Variants in TMCC1 observed in about 807,000 individuals in gnomAD.
TMCC1 encodes the protein transmembrane and coiled-coil domain family 1, also known as transmembrane and coiled-coil domains protein 1.
Under a neutral mutation model 52.4 loss-of-function variants are expected in TMCC1, and 15 were observed. The ratio of observed to expected loss-of-function variants is 0.29; its 90% CI spans 0.19 to 0.44. The LOEUF (loss-of-function observed/expected upper bound fraction) is 0.44, where lower values mean the gene tolerates loss of function less well. Ranked by LOEUF, TMCC1 falls within the 20% of genes least tolerant of loss-of-function variation. The pLI is 1.00. For missense variants in TMCC1, 503 were observed against 806.0 expected (o/e 0.62, Z 4.55); for synonymous variants, 279 against 301.9 (o/e 0.92, Z 0.79).
Position 129,694,056 on chromosome 3 carries a change from T to G in TMCC1, c.577-22792A>C, listed in dbSNP as rs933721236. On this transcript the variant is annotated intron_variant, in intron 4 of 6. Coordinates refer to ENST00000393238, the MANE Select transcript of TMCC1 (RefSeq NM_001017395.5). ...CTCCCAGGAACACTGGCCTGATTCC[T>G]GAGGTGGTAAGGAAAGTCACTTCCT... Among the ~76,000 whole-genome samples the G allele has an allele frequency of 2.6e-5, 4 of 152,326 alleles. No homozygotes were observed. In the Middle Eastern group the frequency reaches 0.014, roughly 518 times the overall value.
Position 129,813,661 on chromosome 3 carries a change from G to A in TMCC1, c.576+14142C>T, listed in dbSNP as rs1000273648. On this transcript the variant is annotated intron_variant, in intron 4 of 6. Transcript: ENST00000393238. The stretch of plus-strand genomic sequence containing the variant: ...CCTACTTGAGGGTGGAGAGTGGGAG[G>A]AGGGTGAGGATCGAAAAACTACCTA... 2.0e-5 allele frequency among the ~76,000 whole-genome samples: 3 copies of A among 152,086 alleles called. No homozygotes were observed. In the East Asian group the frequency reaches 5.8e-4, roughly 29 times the overall value.
chr3:129,868,160 A>T (rs911521278), intron 2 of TMCC1, among the ~76,000 whole-genome samples: 1 of 152,206 alleles, frequency 6.6e-6, no homozygotes, highest in Non-Finnish European at 1.5e-5. Context: ...ACAAGCAGGA[A>T]AGAATTTGGA....
chr3:129,670,547 C>T lies in TMCC1; in HGVS notation c.1294G>A (p.Gly432Arg). The change falls in exon 5 of 7, where the codon GGA becomes AGA. Residue 432 changes from glycine (G) to arginine (R), a missense_variant. Physicochemically the swap from Gly to Arg is moderately radical, Grantham distance 125. Coordinates refer to ENST00000393238, the MANE Select transcript of TMCC1 (RefSeq NM_001017395.5). Reference sequence around the variant, plus strand: ...ATGCCCCCTGTGGTGCTGTTGGCTCCCACTGAGCCTGAAGTGGCACTAGAA... The same window carrying T: ...ATGCCCCCTGTGGTGCTGTTGGCTCTCACTGAGCCTGAAGTGGCACTAGAA... ...DCSSATSGSV[G>R]ANSTTGGIAV... The T allele has an allele frequency of 6.2e-7, 1 of 1,614,158 alleles. No individual in the cohort carries two copies. The highest frequency in any genetic ancestry group is 8.5e-7 in the Non-Finnish European group (1 of 1,180,036).
At chr3:129,879,747 T>C (rs566267493) in intron 2 of TMCC1, among the ~76,000 whole-genome samples, 13 of 152,352 alleles carry the variant, frequency 8.5e-5, no homozygotes, top group African/African-American at 1.9e-4. Flanking sequence ...CCAATGAAAC[T>C]GAACCAGACT....
chr3:129,731,928 CAT>C (rs2050580139), intron 4 of TMCC1, among the ~76,000 whole-genome samples: 1 of 152,154 alleles, frequency 6.6e-6, no homozygotes, highest in Non-Finnish European at 1.5e-5. Context: ...CCTGGCTTCC[CAT>C]ATGTTTTAAA....
In TMCC1 at chr3:129,651,695, CGGG is replaced by C; in HGVS notation, c.1745_1747del (p.Ala582_Arg583delinsGly). ...GTTGATGAGTTTGCCCAGAAGGTTC[CGGG>C]CAGTGGCATTCTCCAGCCCTTCTAG... On this transcript the variant is annotated inframe_deletion, in exon 7 of 7. Coordinates refer to ENST00000393238, the MANE Select transcript of TMCC1 (RefSeq NM_001017395.5). This position sits in a 1 kb window ranked among gnomAD's most constrained non-coding sequence, Gnocchi z 5.1. 1 of 1,614,192 alleles carries C rather than the reference CGGG, an allele frequency of 6.2e-7. No homozygotes were observed. The highest frequency in any genetic ancestry group is 8.5e-7 in the Non-Finnish European group (1 of 1,180,040).
At chr3:129,877,215 C>CT (rs1225918458) in intron 2 of TMCC1, among the ~76,000 whole-genome samples, 1 of 152,152 alleles carries the variant, frequency 6.6e-6, no homozygotes, top group Non-Finnish European at 1.5e-5. Flanking sequence ...TAAAACTACC[C>CT]TTTATCAAGG....
chr3:129,726,868 CAAAAAAAAAAAAAA>C lies in TMCC1; in HGVS notation c.577-55618_577-55605del, dbSNP rs550398948. ...TGGGTAACAGAGCAAGACTCTGTCTCAAAAAAAAAAAAAAAAAAAAAAAAAAAAAAGAACCACTG... is the reference window on the plus strand; with the variant it reads ...TGGGTAACAGAGCAAGACTCTGTCTCAAAAAAAAAAAAAAAAGAACCACTG... On this transcript the variant is annotated intron_variant, in intron 4 of 6. Coordinates refer to ENST00000393238, the MANE Select transcript of TMCC1 (RefSeq NM_001017395.5). Among the ~76,000 whole-genome samples the C allele has an allele frequency of 1.2e-3, 15 of 12,822 alleles. 1 individual carries two copies. Among genetic ancestry groups the C allele is most frequent in the Admixed American group, 3.5e-3 (2 of 566 alleles). The allele number at this position is 12,822 out of a possible 152,430, so 8.4% of individuals were successfully genotyped here. A position where few individuals can be genotyped will look rare whatever the true frequency, so the allele number is the denominator to read the frequency against.
At chr3:129,723,561 C>T (rs1300602829) in intron 4 of TMCC1, among the ~76,000 whole-genome samples, 1 of 142,788 alleles carries the variant, frequency 7.0e-6, no homozygotes. Context: ...TTTCCAGTAA[C>T]TATTTCGCTT....
At chr3:129,731,840 G>A (rs754582432) in intron 4 of TMCC1, among the ~76,000 whole-genome samples, 4 of 151,760 alleles carry the variant, frequency 2.6e-5, no homozygotes, top group Non-Finnish European at 5.9e-5. Context: ...GCCCAGGCTG[G>A]TCTTGAACTC....
At chr3:129,744,087 T>G (rs993608441) in intron 4 of TMCC1, among the ~76,000 whole-genome samples, 4 of 152,214 alleles carry the variant, frequency 2.6e-5, no homozygotes, top group Non-Finnish European at 5.9e-5. Flanking sequence ...ACTGATATTG[T>G]GTTCCATGTA....
intron 4 of TMCC1, among the ~76,000 whole-genome samples, chr3:129,811,120 C>G (rs141277284): frequency 6.6e-6 from 1 of 152,048 alleles, no homozygotes; most frequent in Non-Finnish European, 1.5e-5. Context: ...AATTCTAAAG[C>G]GTATTCCTCA....
At position 129,794,146 on chromosome 3, in the gene TMCC1, A is replaced by T. The variant is rs867808230; in HGVS notation, c.576+33657T>A. ...GAACACAATCTGGGGCTGCCAGTGC[A>T]GTCAGCCTTCAAGCTTTGTGCCTGT... On this transcript the variant is annotated intron_variant, in intron 4 of 6. Transcript: ENST00000393238. Among the ~76,000 whole-genome samples, 10 of 152,342 alleles carry T rather than the reference A, an allele frequency of 6.6e-5. No individual in the cohort carries two copies. In the Middle Eastern group the frequency reaches 0.01, roughly 155 times the overall value.
intron 2 of TMCC1, among the ~76,000 whole-genome samples, chr3:129,870,147 G>A (rs2060842104): frequency 6.6e-6 from 1 of 151,786 alleles, no homozygotes; most frequent in Non-Finnish European, 1.5e-5. Context: ...AAAATATAAA[G>A]AAATCACATG....
rs1002971305 is a variant in TMCC1 at position 129,664,036 on chromosome 3, C to T, written c.1511+6294G>A. Among the ~76,000 whole-genome samples the T allele has an allele frequency of 9.8e-5, 15 of 152,322 alleles. No homozygotes were observed. The South Asian group carries it at 2.7e-3, about 27-fold the overall frequency. ...GAATAAGGGTTAATTAATTAATCCCCTCCATTCCTCTTTAGCGGCTAAACG... is the reference window on the plus strand; with the variant it reads ...GAATAAGGGTTAATTAATTAATCCCTTCCATTCCTCTTTAGCGGCTAAACG... On this transcript the variant is annotated intron_variant, in intron 5 of 6. Coordinates refer to ENST00000393238, the MANE Select transcript of TMCC1 (RefSeq NM_001017395.5).
intron 4 of TMCC1, among the ~76,000 whole-genome samples, chr3:129,753,836 TA>T (rs1222303440): frequency 5.3e-5 from 8 of 151,638 alleles, no homozygotes; most frequent in African/African-American, 1.9e-4. Context: ...CACGAAGTAC[TA>T]ACTGGTGCAA....
At chr3:129,664,601 C>T (rs894461464) in intron 5 of TMCC1, among the ~76,000 whole-genome samples, 5 of 152,162 alleles carry the variant, frequency 3.3e-5, no homozygotes, top group Admixed American at 3.3e-4. Context: ...CATTAATGCT[C>T]ATCAACACCT....
chr3:129,828,716 G>C lies in TMCC1; in HGVS notation c.-130-208C>G, dbSNP rs1054013510. On this transcript the variant is annotated intron_variant, in intron 3 of 6. Transcript: ENST00000393238. This position sits in a 1 kb window ranked among gnomAD's most constrained non-coding sequence, Gnocchi z 4.1. ...TTTTTAGAATGAGAGAAAAAGCCCA[G>C]AACAAGTCCATAGGAAATTAAAACA... 2.6e-5 allele frequency among the ~76,000 whole-genome samples: 4 copies of C among 151,976 alleles called. No homozygotes were observed. Among genetic ancestry groups the C allele is most frequent in the African/African-American group, 9.7e-5 (4 of 41,378 alleles).
At chr3:129,817,622 G>A (rs569589872) in intron 4 of TMCC1, among the ~76,000 whole-genome samples, 5 of 152,114 alleles carry the variant, frequency 3.3e-5, no homozygotes, top group African/African-American at 1.2e-4. Flanking sequence ...GATTTTCAGA[G>A]TGGCTGAAGT....
Sources: allele counts gnomAD v4.1 joint callset (sites outside exome capture counted in the v4.1 genomes callset), GRCh38; gene constraint gnomAD v4.1.1; non-coding constraint Gnocchi (gnomAD v3.1); transcripts MANE v1.5; gene names NCBI Gene and HGNC (gene_info 2026-07-23, HGNC 2026-07-21).